Variants in IMPG1 observed in about 807,000 individuals in gnomAD.
IMPG1 encodes the protein interphotoreceptor matrix proteoglycan of 150 kDa.
In IMPG1, 85 loss-of-function variants were observed where a neutral mutation model predicts 92.0. That is an observed-to-expected ratio of 0.92 (90% CI 0.78 to 1.11). IMPG1 has a LOEUF of 1.11. Among genes scored for constraint, IMPG1 ranks in the 50% least tolerant of loss-of-function variants. IMPG1 has a pLI of 0.00. For missense variants in IMPG1, 1,022 were observed against 956.0 expected (o/e 1.07, Z -0.91); for synonymous variants, 367 against 334.1 (o/e 1.10, Z -1.08).
At chr6:76,064,568 T>A (rs1784275027) in intron 1 of IMPG1, among the ~76,000 whole-genome samples, 1 of 151,988 alleles carries the variant, frequency 6.6e-6, no homozygotes, top group Admixed American at 6.6e-5. Context: ...CACCGGGAGC[T>A]TCCCTTGCCA....
intron 9 of IMPG1, among the ~76,000 whole-genome samples, chr6:76,006,348 A>G (rs142517739): frequency 1.3e-5 from 2 of 148,394 alleles, no homozygotes; most frequent in African/African-American, 4.9e-5. Context: ...TGCACACAAT[A>G]TATATATACT....
At chr6:76,004,465 C>T (rs1037393593) in intron 10 of IMPG1, among the ~76,000 whole-genome samples, 1 of 152,168 alleles carries the variant, frequency 6.6e-6, no homozygotes, top group Non-Finnish European at 1.5e-5. Context: ...GGCCCTTCGT[C>T]TTGTCTCAAG....
chr6:75,942,943 T>A (rs998123210), intron 14 of IMPG1, among the ~76,000 whole-genome samples: 2 of 152,246 alleles, frequency 1.3e-5, no homozygotes, highest in African/African-American at 4.8e-5. Flanking sequence ...GGCTTTTTTT[T>A]AGAACAGTAT....
chr6:75,958,856 C>T (rs1582067265), intron 12 of IMPG1, among the ~76,000 whole-genome samples: 1 of 152,010 alleles, frequency 6.6e-6, no homozygotes, highest in African/African-American at 2.4e-5. Context: ...TTATTATCCA[C>T]CTTCTGAAGC....
At chr6:75,967,331 G>C (rs1782323841) in intron 12 of IMPG1, among the ~76,000 whole-genome samples, 1 of 152,160 alleles carries the variant, frequency 6.6e-6, no homozygotes, top group Non-Finnish European at 1.5e-5. Context: ...ATGATTAAGA[G>C]GTTGGGCCTT....
chr6:75,944,182 G>A (rs1781882194), intron 14 of IMPG1, among the ~76,000 whole-genome samples: 1 of 152,176 alleles, frequency 6.6e-6, no homozygotes, highest in Non-Finnish European at 1.5e-5. Flanking sequence ...TGTGCATGAA[G>A]GAGCCCACAG....
intron 7 of IMPG1, among the ~76,000 whole-genome samples, chr6:76,013,785 A>G (rs1403313696): frequency 6.6e-6 from 1 of 152,204 alleles, no homozygotes; most frequent in African/African-American, 2.4e-5. Flanking sequence ...TGTTGTCACC[A>G]CATCAAAAAT....
chr6:75,972,183 T>A (rs1782432122), intron 12 of IMPG1, among the ~76,000 whole-genome samples: 2 of 152,132 alleles, frequency 1.3e-5, no homozygotes, highest in African/African-American at 4.8e-5. Context: ...GTCCTGCATA[T>A]TATAGAATTA....
chr6:75,965,406 A>G (rs981975845), intron 12 of IMPG1, among the ~76,000 whole-genome samples: 4 of 150,738 alleles, frequency 2.7e-5, no homozygotes, highest in South Asian at 2.1e-4. Context: ...ATCAGTGTTA[A>G]TGATATCTCA....
intron 1 of IMPG1, among the ~76,000 whole-genome samples, chr6:76,072,007 G>T (rs113278988): frequency 0.01 from 1,539 of 152,126 alleles, 28 homozygotes; most frequent in African/African-American, 0.036. Context: ...TTGTGAGAAG[G>T]TAAGAAATAC....
intron 8 of IMPG1, among the ~76,000 whole-genome samples, chr6:76,009,376 T>C (rs1783147906): frequency 6.6e-6 from 1 of 152,220 alleles, no homozygotes; most frequent in South Asian, 2.1e-4. Flanking sequence ...TGTTAAATTG[T>C]AAATCAACCT....
chr6:76,060,252 A>G (rs971714820), intron 1 of IMPG1, among the ~76,000 whole-genome samples: 17 of 152,210 alleles, frequency 1.1e-4, no homozygotes, highest in African/African-American at 4.1e-4. Context: ...ATGGGAAAAT[A>G]TTTATTGACT....
intron 9 of IMPG1, among the ~76,000 whole-genome samples, chr6:76,006,970 G>A (rs943904642): frequency 1.3e-5 from 2 of 152,020 alleles, no homozygotes; most frequent in East Asian, 1.9e-4. Context: ...AGAGTCTATC[G>A]TTTGTTATTT....
chr6:76,045,116 G>C (rs370387619), intron 1 of IMPG1, among the ~76,000 whole-genome samples: 1 of 152,136 alleles, frequency 6.6e-6, no homozygotes, highest in African/African-American at 2.4e-5. Context: ...GTTTATAGCT[G>C]TTATTCTTTC....
At chr6:75,941,938 G>A (rs4235893) in intron 14 of IMPG1, among the ~76,000 whole-genome samples, 146,814 of 152,254 alleles carry the variant, frequency 0.96, 70,979 homozygotes, top group East Asian at 1. Flanking sequence ...GGAGGCAGGA[G>A]TGGGTAGGGC....
At chr6:75,944,218 C>G (rs556204236) in intron 14 of IMPG1, among the ~76,000 whole-genome samples, 1 of 152,258 alleles carries the variant, frequency 6.6e-6, no homozygotes, top group South Asian at 2.1e-4. Flanking sequence ...CCTGTGCCCC[C>G]CTCTATTCCT....
chr6:75,922,398 C>G (rs1006407228), intron 16 of IMPG1, among the ~76,000 whole-genome samples: 1 of 152,208 alleles, frequency 6.6e-6, no homozygotes, highest in African/African-American at 2.4e-5. Flanking sequence ...TCTCATAGAG[C>G]AGGAGTGGCA....
In IMPG1 at chr6:75,947,394, C is replaced by T. The variant is rs766036273; in HGVS notation, c.1964G>A (p.Gly655Glu). The T allele has an allele frequency of 1.2e-6, 2 of 1,613,900 alleles. No homozygotes were observed. The highest frequency in any genetic ancestry group is 1.7e-6 in the Non-Finnish European group (2 of 1,179,862). Reference protein sequence around the residue: ...VPYNLTKAVHGVLEDFRSAAA... With the variant: ...VPYNLTKAVHEVLEDFRSAAA... ...AGCAGAACGAAAATCCTCCAAGACC[C>T]CGTGCACAGCCTTGGTGAGGTTATA... The change falls in exon 14 of 17, where the codon GGG (glycine) becomes GAG (glutamate). Residue 655 changes from glycine to glutamate, a missense_variant. Physicochemically the swap from Gly to Glu is moderately conservative, Grantham distance 98 (BLOSUM62 -2). Around this residue, in one of 3 missense-constraint regions of IMPG1, gnomAD observed 332 missense variants for 346.2 expected, o/e 0.96. Transcript: ENST00000369950.
chr6:76,072,397 A>T, intron 1 of IMPG1, 25 bp downstream of exon 1: 1 of 1,299,336 alleles, frequency 7.7e-7, no homozygotes, highest in Non-Finnish European at 1.1e-6. Flanking sequence ...TAAGCAATTT[A>T]AAAGTAAACA....
Sources: allele counts gnomAD v4.1 joint callset (sites outside exome capture counted in the v4.1 genomes callset), GRCh38; gene constraint gnomAD v4.1.1; regional missense constraint gnomAD v4.1.1; transcripts MANE v1.5; gene names NCBI Gene and HGNC (gene_info 2026-07-23, HGNC 2026-07-21).